The following PHF11 variants were observed in gnomAD, a reference collection of about 807,000 sequenced individuals.
The protein encoded by PHF11 is PHD finger protein 11.
PHF11 carries 38 observed loss-of-function variants against 40.5 expected under a neutral mutation model. The observed-to-expected ratio is 0.94, with a 90% confidence interval of 0.72 to 1.23. The LOEUF is 1.23. Among genes scored for constraint, PHF11 ranks in the 50% most tolerant of loss-of-function variants. The pLI is 0.00. For missense variants in PHF11, 369 were observed against 392.4 expected, an observed-to-expected ratio of 0.94 and a Z score of 0.50; for synonymous variants, 127 against 138.2, an observed-to-expected ratio of 0.92 and a Z score of 0.57.
chr13:49,521,539 T>C, intron 5 of PHF11: 3 of 960,138 alleles, frequency 3.1e-6, no homozygotes, highest in Non-Finnish European at 3.7e-6. Flanking sequence ...ACAATCATTT[T>C]TCAGTCGTTA....
At position 49,496,129 on chromosome 13, in the gene PHF11, G is replaced by A. The variant is rs1055176087; in HGVS notation, c.94+34G>A. The stretch of plus-strand genomic sequence containing the variant: ...CGCGGGGGCGGGCGGGCGGGCGGGC[G>A]GGGCTGGGCAGCGACGGGCCCGGTC... On this transcript the variant is annotated intron_variant, in intron 1 of 9. Coordinates refer to ENST00000378319, the MANE Select transcript of PHF11 (RefSeq NM_001040443.3). The A allele has an allele frequency of 8.1e-6, 7 of 859,326 alleles. No homozygotes were observed. In the East Asian group the frequency reaches 1.1e-4, roughly 14 times the overall value. 53.2% of individuals were successfully genotyped at this position (859,326 alleles called of 1,614,324 possible). A position where few individuals can be genotyped will look rare whatever the true frequency, so the allele number is the denominator to read the frequency against.
In PHF11 at chr13:49,520,786, C is replaced by T. The variant is rs531676386; in HGVS notation, c.459-108C>T. 1.1e-3 allele frequency: 789 copies of T among 707,252 alleles called. 1 individual carries two copies. Among genetic ancestry groups the T allele is most frequent in the Middle Eastern group, 3.3e-3 (8 of 2,432 alleles). The allele number at this position is 707,252 out of a possible 1,614,324, so 43.8% of individuals were successfully genotyped here. A position where few individuals can be genotyped will look rare whatever the true frequency, so the allele number is the denominator to read the frequency against. ...TTCAAAAAAAAAAACTTTAGTGTGA[C>T]GCCGTCATGAAAAGTAGGTTGGTAC... On this transcript the variant is annotated intron_variant, in intron 4 of 9. Transcript: ENST00000378319.
chr13:49,524,481 T>C (rs1450427204), intron 8 of PHF11, among the ~76,000 whole-genome samples: 1 of 151,910 alleles, frequency 6.6e-6, no homozygotes, highest in Non-Finnish European at 1.5e-5. Flanking sequence ...CTCATTCTTT[T>C]TTTTTTTTTT....
At position 49,524,164 on chromosome 13, in the gene PHF11, C is replaced by T; in HGVS notation, c.717C>T (p.Asp239=). The T allele has an allele frequency of 6.2e-7, 1 of 1,607,662 alleles. No individual in the cohort carries two copies. The highest frequency in any genetic ancestry group is 8.5e-7 in the Non-Finnish European group (1 of 1,175,110). Residue 239 remains aspartate, a synonymous_variant, in exon 8 of 10, where the codon GAC becomes GAT. Coordinates refer to ENST00000378319, the MANE Select transcript of PHF11 (RefSeq NM_001040443.3). ...LLNYLLEEIL[D]KVHSIPEKLM... ...ATTACTTACTTGAAGAAATATTAGACAAAGTTCATTCAATTCCAGAAAAAC... is the reference window on the plus strand; with the variant it reads ...ATTACTTACTTGAAGAAATATTAGATAAAGTTCATTCAATTCCAGAAAAAC...
At chr13:49,511,860 C>T (rs1959086859) in intron 2 of PHF11, among the ~76,000 whole-genome samples, 1 of 152,184 alleles carries the variant, frequency 6.6e-6, no homozygotes, top group Non-Finnish European at 1.5e-5. Context: ...GGACAATCCT[C>T]ATCTTTAAAT....
rs1475638049 is a variant in PHF11, at chr13:49,496,012, C to G, written c.11C>G (p.Ala4Gly). Residue 4 changes from alanine (A) to glycine (G), a missense_variant, in exon 1 of 10, where the codon GCG (alanine) becomes GGG (glycine). Physicochemically the swap from Ala to Gly is moderately conservative, Grantham distance 60. Transcript: ENST00000378319. MAQASPPRPERVLG... is the reference protein window; with the variant it reads MAQGSPPRPERVLG... ...AGCTGCAGCACAGTCATGGCCCAGGCGTCGCCGCCCCGGCCCGAGAGGGTG... is the reference window on the plus strand; with the variant it reads ...AGCTGCAGCACAGTCATGGCCCAGGGGTCGCCGCCCCGGCCCGAGAGGGTG... The G allele has an allele frequency of 2.0e-6, 3 of 1,479,970 alleles. No individual in the cohort carries two copies. The highest frequency in any genetic ancestry group is 2.5e-5 in the South Asian group (2 of 79,544). The allele number at this position is 1,479,970 out of a possible 1,614,324, so 91.7% of individuals were successfully genotyped here.
chr13:49,528,748 C>A lies in PHF11; in HGVS notation c.*83C>A. On this transcript the variant is annotated 3_prime_UTR_variant, in exon 10 of 10. Coordinates refer to ENST00000378319, the MANE Select transcript of PHF11 (RefSeq NM_001040443.3). ...AGACCAGGCTGTGAAATCCACACAT[C>A]TTTAGAACTAGTCGTCTCCTCTTGG... 1.0e-6 allele frequency: 1 copy of A among 955,884 alleles called. No individual in the cohort carries two copies. Among genetic ancestry groups the A allele is most frequent in the South Asian group, 1.6e-5 (1 of 64,120 alleles). 59.2% of individuals were successfully genotyped at this position (955,884 alleles called of 1,614,324 possible). A position where few individuals can be genotyped will look rare whatever the true frequency, so the allele number is the denominator to read the frequency against.
chr13:49,497,543 G>T (rs778188956), intron 1 of PHF11, among the ~76,000 whole-genome samples: 4 of 152,146 alleles, frequency 2.6e-5, no homozygotes, highest in Non-Finnish European at 4.4e-5. Flanking sequence ...TTCCATTACT[G>T]CCACCCAAGC....
At chr13:49,527,653 A>G (rs1351242189) in intron 9 of PHF11, among the ~76,000 whole-genome samples, 1 of 152,166 alleles carries the variant, frequency 6.6e-6, no homozygotes, top group Non-Finnish European at 1.5e-5. Flanking sequence ...CAGCCTTAAA[A>G]ATTTTTTTCT....
intron 1 of PHF11, among the ~76,000 whole-genome samples, chr13:49,505,102 A>T (rs1263132324): frequency 6.6e-6 from 1 of 151,128 alleles, no homozygotes; most frequent in East Asian, 1.9e-4. Context: ...AATGATAAAT[A>T]AAAAATAAAT....
At chr13:49,497,338 T>G (rs758240024) in intron 1 of PHF11, 21 of 554,362 alleles carry the variant, frequency 3.8e-5, no homozygotes, top group Non-Finnish European at 6.0e-5. Context: ...GAATTCTTGT[T>G]TCCTCCACTG....
At chr13:49,499,015 T>C (rs1309558173) in intron 1 of PHF11, among the ~76,000 whole-genome samples, 2 of 152,204 alleles carry the variant, frequency 1.3e-5, no homozygotes, top group Admixed American at 6.5e-5. Context: ...ATGGATACTT[T>C]AGCATCTTAC....
chr13:49,509,962 A>G (rs546548648), intron 2 of PHF11, among the ~76,000 whole-genome samples: 52 of 152,314 alleles, frequency 3.4e-4, no homozygotes, highest in African/African-American at 1.2e-3. Flanking sequence ...TTGTTATACT[A>G]CTACCGTCTA....
intron 3 of PHF11, among the ~76,000 whole-genome samples, 192 bp from the exon 4 acceptor site, chr13:49,517,826 C>T (rs571100678): frequency 6.6e-6 from 1 of 152,274 alleles, no homozygotes; most frequent in East Asian, 1.9e-4. Flanking sequence ...GCTGAGGTTT[C>T]GCTGAAATTC....
chr13:49,507,389 C>A (rs1274734502), intron 2 of PHF11, among the ~76,000 whole-genome samples: 1 of 152,236 alleles, frequency 6.6e-6, no homozygotes, highest in East Asian at 1.9e-4. Context: ...ACTATATTAC[C>A]ATTAACTGTT....
Position 49,505,130 on chromosome 13 carries a change from AT to A in PHF11, c.95-1504del, listed in dbSNP as rs1358487794. ...AAATAAATAAAAAAATAATAAAAAA[AT>A]AAATAAATAAAAATGAAAAAAAAAA... On this transcript the variant is annotated intron_variant, in intron 1 of 9. Coordinates refer to ENST00000378319, the MANE Select transcript of PHF11 (RefSeq NM_001040443.3). Among the ~76,000 whole-genome samples, 172 of 149,322 alleles carry A rather than the reference AT, an allele frequency of 1.2e-3. 1 individual carries two copies. Among genetic ancestry groups the A allele is most frequent in the African/African-American group, 4.1e-3 (166 of 40,678 alleles).
chr13:49,506,792 G>A, intron 2 of PHF11, 36 bp downstream of exon 2: 1 of 1,481,446 alleles, frequency 6.8e-7, no homozygotes, highest in South Asian at 1.1e-5. Flanking sequence ...AAGTACATGA[G>A]TACTTTTAGT....
intron 1 of PHF11, 94 bp from the exon 2 acceptor site, chr13:49,506,541 C>A: frequency 9.2e-7 from 1 of 1,087,304 alleles, no homozygotes; most frequent in Non-Finnish European, 1.4e-6. Context: ...CTCATAAAAA[C>A]AAGTGCCCTG....
rs2031532 is a variant in PHF11, at chr13:49,506,711, A to C, written c.171A>C (p.Leu57=). The part of the protein sequence containing the change: ...LCPKDVEYNV[L]YFAQSENIAA... Reference sequence around the variant, plus strand: ...CCAAAGATGTCGAATATAATGTCCTATACTTTGCACAATCAGAGAATATAG... The same window carrying C: ...CCAAAGATGTCGAATATAATGTCCTCTACTTTGCACAATCAGAGAATATAG... The change falls in exon 2 of 10, where the codon CTA becomes CTC. Residue 57 remains leucine, a synonymous_variant. Transcript: ENST00000378319. The C allele has an allele frequency of 4.6e-5, 74 of 1,607,688 alleles. No individual in the cohort carries two copies. In the South Asian group the frequency reaches 7.9e-4, roughly 17 times the overall value.
Sources: gnomAD v4.1 joint callset for allele counts (sites outside exome capture counted in the v4.1 genomes callset) on GRCh38, gnomAD v4.1.1 for gene constraint, MANE v1.5 for transcripts, NCBI Gene and HGNC (gene_info 2026-07-23, HGNC 2026-07-21) for gene names.